DNASE1L3: variants seen among roughly 807,000 people sequenced by gnomAD.
DNASE1L3 encodes deoxyribonuclease 1L3.
DNASE1L3 carries 27 observed loss-of-function variants against 30.9 expected under a neutral mutation model. The ratio of observed to expected loss-of-function variants is 0.87; its 90% CI spans 0.64 to 1.20. The LOEUF (loss-of-function observed/expected upper bound fraction) is 1.20, where lower values mean the gene tolerates loss of function less well. Among genes scored for constraint, DNASE1L3 ranks in the 50% most tolerant of loss-of-function variants. DNASE1L3 has a pLI of 0.00. For synonymous variants in DNASE1L3, 135 were observed against 138.0 expected (o/e 0.98, Z 0.15); for missense variants, 364 against 378.2 (o/e 0.96, Z 0.31).
At chr3:58,195,439 A>T (rs1449769399) in intron 6 of DNASE1L3, among the ~76,000 whole-genome samples, 1 of 151,880 alleles carries the variant, frequency 6.6e-6, no homozygotes, top group Non-Finnish European at 1.5e-5. Flanking sequence ...CTGGGATTAC[A>T]GCATATGCCA....
chr3:58,209,829 T>C (rs2097406489), intron 1 of DNASE1L3, among the ~76,000 whole-genome samples: 2 of 152,228 alleles, frequency 1.3e-5, no homozygotes, highest in African/African-American at 2.4e-5. Context: ...CCAGGGCTCC[T>C]GGCCCCCCTA....
At position 58,200,219 on chromosome 3, in the gene DNASE1L3, G is replaced by A. The variant is rs984018366; in HGVS notation, c.546+778C>T. On this transcript the variant is annotated intron_variant, in intron 5 of 7. Coordinates refer to ENST00000394549, the MANE Select transcript of DNASE1L3 (RefSeq NM_004944.4). The surrounding 1 kb of genome is among the most constrained non-coding windows in gnomAD (Gnocchi z 4.2). The stretch of plus-strand genomic sequence containing the variant: ...AAACTGAGTTTGGGGTGGAGCTGGG[G>A]TGGACACAGATTTAGTCAATCAGAG... Among the ~76,000 whole-genome samples, 5 of 152,308 alleles carry A rather than the reference G, an allele frequency of 3.3e-5. No homozygotes were observed. The highest frequency in any genetic ancestry group is 3.9e-4 in the East Asian group (2 of 5,182).
At chr3:58,208,090 TG>T in intron 2 of DNASE1L3, 127 bp downstream of exon 2, 1 of 850,478 alleles carries the variant, frequency 1.2e-6, no homozygotes, top group Non-Finnish European at 1.9e-6. Flanking sequence ...GCTGGACTCC[TG>T]GGCAACACTG....
rs2107384933 is a variant in DNASE1L3 at position 58,210,752 on chromosome 3, G to C, written c.141+14C>G. On this transcript the variant is annotated intron_variant, in intron 1 of 7. Coordinates refer to ENST00000394549, the MANE Select transcript of DNASE1L3 (RefSeq NM_004944.4). The stretch of plus-strand genomic sequence containing the variant: ...AGGGGTGTCTGGGATCCTCCTCCCA[G>C]GAAAGGGGCTCACCTTCACAATGAC... The C allele has an allele frequency of 6.2e-7, 1 of 1,614,028 alleles. No homozygotes were observed. The highest frequency in any genetic ancestry group is 1.7e-5 in the Admixed American group (1 of 60,016).
Position 58,204,852 on chromosome 3 carries a change from T to A in DNASE1L3, c.350A>T (p.Tyr117Phe), listed in dbSNP as rs2107378220. The change falls in exon 4 of 8, where the codon TAT becomes TTT. Residue 117 changes from tyrosine to phenylalanine, a missense_variant. Physicochemically the swap from Tyr to Phe is conservative, Grantham distance 22 (BLOSUM62 3). Coordinates refer to ENST00000394549, the MANE Select transcript of DNASE1L3 (RefSeq NM_004944.4). The stretch of plus-strand genomic sequence containing the variant: ...TCCATCCTGATAGTCATGGTAGTGA[T>A]AACTCCTCTTCACAGACACCAGCTT... The part of the protein sequence containing the change: ...KEKLVSVKRS[Y>F]HYHDYQDGDA... 6.2e-7 allele frequency: 1 copy of A among 1,614,150 alleles called. No homozygotes were observed. The highest frequency in any genetic ancestry group is 8.5e-7 in the Non-Finnish European group (1 of 1,180,014).
chr3:58,208,967 C>T (rs574469168), intron 1 of DNASE1L3, among the ~76,000 whole-genome samples: 3 of 152,244 alleles, frequency 2.0e-5, no homozygotes, highest in Admixed American at 6.5e-5. Context: ...CAGCCGGGCA[C>T]GGTGGCTTAC....
chr3:58,206,755 G>T (rs1482502382), intron 2 of DNASE1L3, among the ~76,000 whole-genome samples: 2 of 152,050 alleles, frequency 1.3e-5, no homozygotes, highest in African/African-American at 2.4e-5. Flanking sequence ...AACCTGACTG[G>T]GGACACTCCA....
At position 58,197,374 on chromosome 3, in the gene DNASE1L3, C is replaced by T. The variant is rs758699745; in HGVS notation, c.704+447G>A. Among the ~76,000 whole-genome samples the T allele has an allele frequency of 6.6e-6, 1 of 152,176 alleles. No homozygotes were observed. Among genetic ancestry groups the T allele is most frequent in the Non-Finnish European group, 1.5e-5 (1 of 68,026 alleles). On this transcript the variant is annotated intron_variant, in intron 6 of 7. Transcript: ENST00000394549. This position sits in a 1 kb window ranked among gnomAD's most constrained non-coding sequence, Gnocchi z 5.3. The stretch of plus-strand genomic sequence containing the variant: ...ACCGCATAGGGTCCTGTGGTTCATA[C>T]GCTACATGTGGTACCCAGTAGAGGG...
At position 58,192,325 on chromosome 3, in the gene DNASE1L3, C is replaced by A; in HGVS notation, c.*362G>T. 1 of 160,426 alleles carries A rather than the reference C, an allele frequency of 6.2e-6. No homozygotes were observed. Among genetic ancestry groups the A allele is most frequent in the Non-Finnish European group, 1.3e-5 (1 of 74,086 alleles). 9.9% of individuals were successfully genotyped at this position (160,426 alleles called of 1,614,324 possible). Reference sequence around the variant, plus strand: ...GGGGCCTTGGTGTTTCTGGTCATTGCGTGTGGAACAGGACCCCTCATGAGG... The same window carrying A: ...GGGGCCTTGGTGTTTCTGGTCATTGAGTGTGGAACAGGACCCCTCATGAGG... On this transcript the variant is annotated 3_prime_UTR_variant, in exon 8 of 8. Transcript: ENST00000394549. This position sits in a 1 kb window ranked among gnomAD's most constrained non-coding sequence, Gnocchi z 4.8.
At position 58,200,297 on chromosome 3, in the gene DNASE1L3, G is replaced by T. The variant is rs1347069660; in HGVS notation, c.546+700C>A. Among the ~76,000 whole-genome samples, 1 of 152,194 alleles carries T rather than the reference G, an allele frequency of 6.6e-6. No individual in the cohort carries two copies. Among genetic ancestry groups the T allele is most frequent in the Non-Finnish European group, 1.5e-5 (1 of 68,038 alleles). On this transcript the variant is annotated intron_variant, in intron 5 of 7. Coordinates refer to ENST00000394549, the MANE Select transcript of DNASE1L3 (RefSeq NM_004944.4). This position sits in a 1 kb window ranked among gnomAD's most constrained non-coding sequence, Gnocchi z 4.2. Reference sequence around the variant, plus strand: ...GGTTCAGGGATGGACACCTGACCCAGTCAGAGCCAATGAGACTCAGTCCCA... The same window carrying T: ...GGTTCAGGGATGGACACCTGACCCATTCAGAGCCAATGAGACTCAGTCCCA...
chr3:58,204,222 C>G (rs528128198), intron 4 of DNASE1L3, among the ~76,000 whole-genome samples: 19 of 151,130 alleles, frequency 1.3e-4, no homozygotes, highest in African/African-American at 3.9e-4. Flanking sequence ...CTCACTGCAA[C>G]CTCTGCCTCC....
chr3:58,197,934 G>A lies in DNASE1L3; in HGVS notation c.591C>T (p.Val197=), dbSNP rs1366194393. 2 of 1,613,776 alleles carry A rather than the reference G, an allele frequency of 1.2e-6. No individual in the cohort carries two copies. Among genetic ancestry groups the A allele is most frequent in the Non-Finnish European group, 1.7e-6 (2 of 1,179,930 alleles). ...GGATGTTCTTCCAGGCCTTCTTGGG[G>A]ACGTAGCTGCAGCCGGCATTGAAGT... is the stretch of plus-strand genomic sequence containing the variant. ...MGDFNAGCSY[V]PKKAWKNIRL... Residue 197 remains valine, a synonymous_variant, in exon 6 of 8, where the codon GTC becomes GTT. Transcript: ENST00000394549. This position sits in a 1 kb window ranked among gnomAD's most constrained non-coding sequence, Gnocchi z 5.3.
At position 58,198,039 on chromosome 3, in the gene DNASE1L3, G is replaced by A. The variant is rs529957355; in HGVS notation, c.547-61C>T. The stretch of plus-strand genomic sequence containing the variant: ...TGCTGCTGCAGAATGCTTTCACACT[G>A]GACTCTAGCAAAGACTCTGCGTCCC... On this transcript the variant is annotated intron_variant, in intron 5 of 7. Transcript: ENST00000394549. 11 of 1,541,918 alleles carry A rather than the reference G, an allele frequency of 7.1e-6. No homozygotes were observed. The South Asian group carries it at 7.6e-5, about 11-fold the overall frequency.
rs1559760427 is a variant in DNASE1L3 at position 58,210,806 on chromosome 3, C to G, written c.101G>C (p.Ser34Thr). The G allele has an allele frequency of 1.2e-6, 2 of 1,614,188 alleles. No individual in the cohort carries two copies. The highest frequency in any genetic ancestry group is 4.5e-5 in the East Asian group (2 of 44,876). ...CSFNVRSFGE[S>T]KQEDKNAMDV... ...CATGGCATTCTTGTCTTCCTGCTTG[C>G]TTTCCCCAAAGGACCTGACGTTGAA... is the stretch of plus-strand genomic sequence containing the variant. The change falls in exon 1 of 8, where the codon AGC (serine) becomes ACC (threonine). Residue 34 changes from serine to threonine, a missense_variant. By Grantham distance (58) the Ser-to-Thr change is moderately conservative. Transcript: ENST00000394549.
chr3:58,203,616 A>G (rs1559757958), intron 4 of DNASE1L3, among the ~76,000 whole-genome samples: 1 of 152,120 alleles, frequency 6.6e-6, no homozygotes, highest in East Asian at 1.9e-4. Context: ...TAGGCAACAT[A>G]GCGAGACCTA....
intron 6 of DNASE1L3, among the ~76,000 whole-genome samples, chr3:58,195,734 C>T (rs891908223): frequency 6.6e-6 from 1 of 150,934 alleles, no homozygotes; most frequent in Non-Finnish European, 1.5e-5. Context: ...TGCAGTGAGC[C>T]AAGATCCTGC....
intron 6 of DNASE1L3, among the ~76,000 whole-genome samples, chr3:58,195,100 G>C (rs930659163): frequency 4.6e-5 from 7 of 152,192 alleles, no homozygotes; most frequent in African/African-American, 1.7e-4. Context: ...GACGTTTTCA[G>C]TCCAGGGCAC....
At position 58,197,945 on chromosome 3, in the gene DNASE1L3, A is replaced by G. The variant is rs775273181; in HGVS notation, c.580T>C (p.Cys194Arg). ...CAGGCCTTCTTGGGGACGTAGCTGCAGCCGGCATTGAAGTCACCCATGAAA... is the reference window on the plus strand; with the variant it reads ...CAGGCCTTCTTGGGGACGTAGCTGCGGCCGGCATTGAAGTCACCCATGAAA... ...FIFMGDFNAG[C>R]SYVPKKAWKN... is the part of the protein sequence containing the mutation. The change falls in exon 6 of 8, where the codon TGC (cysteine) becomes CGC (arginine). Residue 194 changes from cysteine (C) to arginine (R), a missense_variant. By Grantham distance (180) the Cys-to-Arg change is radical. Transcript: ENST00000394549. The surrounding 1 kb of genome is among the most constrained non-coding windows in gnomAD (Gnocchi z 5.3). The G allele has an allele frequency of 1.9e-6, 3 of 1,613,732 alleles. No individual in the cohort carries two copies. Among genetic ancestry groups the G allele is most frequent in the Non-Finnish European group, 2.5e-6 (3 of 1,179,850 alleles).
rs377465977 is a variant in DNASE1L3, at chr3:58,193,329, G to A, written c.801+14C>T. ...CCAGGACAATGGCATAGAAAGACAA[G>A]ATGGCAACCTTACCTCCTCTTCAGT... On this transcript the variant is annotated intron_variant, in intron 7 of 7. Coordinates refer to ENST00000394549, the MANE Select transcript of DNASE1L3 (RefSeq NM_004944.4). 8 of 1,613,026 alleles carry A rather than the reference G, an allele frequency of 5.0e-6. No individual in the cohort carries two copies. In the African/African-American group the frequency reaches 1.1e-4, roughly 22 times the overall value.
Sources: gnomAD v4.1 joint callset for allele counts (sites outside exome capture counted in the v4.1 genomes callset) on GRCh38, gnomAD v4.1.1 for gene constraint, Gnocchi (gnomAD v3.1) non-coding constraint, MANE v1.5 for transcripts, NCBI Gene and HGNC (gene_info 2026-07-23, HGNC 2026-07-21) for gene names.